Variants in MACF1 observed in about 807,000 individuals in gnomAD.
The protein encoded by MACF1 is microtubule-actin cross-linking factor 1.
A neutral mutation model predicts 854.8 loss-of-function variants in MACF1; 193 were observed. The observed-to-expected ratio is 0.23, with a 90% CI of 0.20 to 0.25. MACF1 has a LOEUF of 0.25. MACF1 is among the 10% of genes least tolerant of loss of function. The pLI is 1.00. For synonymous variants in MACF1, 3,185 were observed against 3,226.7 expected (o/e 0.99, Z 0.44); for missense variants, 7,722 against 8,929.1 (o/e 0.86, Z 5.45).
chr1:39,284,635 A>T (rs1007002108), intron 11 of MACF1, among the ~76,000 whole-genome samples: 2 of 152,204 alleles, frequency 1.3e-5, no homozygotes, highest in African/African-American at 4.8e-5. Flanking sequence ...TAAAGGGCTT[A>T]TTGAAAAATG....
Position 39,337,267 on chromosome 1 carries a change from CCAAA to C in MACF1, c.10154_10157del (p.Lys3385ArgfsTer7). 6.2e-7 allele frequency: 1 copy of C among 1,613,994 alleles called. No homozygotes were observed. Among genetic ancestry groups the C allele is most frequent in the Non-Finnish European group, 8.5e-7 (1 of 1,179,936 alleles). ...CTGTTACGGAACATTGAAATGAGGACCAAACAGATTCAACCTTTGGAGCTAAACC... is the reference window on the plus strand; with the variant it reads ...CTGTTACGGAACATTGAAATGAGGACCAGATTCAACCTTTGGAGCTAAACC... On this transcript the variant is annotated frameshift_variant, in exon 38 of 101. Transcript: ENST00000564288. LOFTEE classifies it high-confidence loss of function.
At chr1:39,480,644 TA>T (rs994527737) in intron 98 of MACF1, among the ~76,000 whole-genome samples, 1,623 of 146,112 alleles carry the variant, frequency 0.011, 32 homozygotes, top group African/African-American at 0.035. Flanking sequence ...AAATAAAAAT[TA>T]AAAAAAAAAA....
At chr1:39,131,151 CTTTTTTTT>C (rs34762038) in intron 2 of MACF1, among the ~76,000 whole-genome samples, 3 of 42,348 alleles carry the variant, frequency 7.1e-5, no homozygotes, top group African/African-American at 2.8e-4. Context: ...TGCGCCCGGC[CTTTTTTTT>C]TTTTTTTTTT....
At chr1:39,352,787 T>G (rs779341801) in intron 43 of MACF1, among the ~76,000 whole-genome samples, 2 of 152,204 alleles carry the variant, frequency 1.3e-5, no homozygotes, top group Non-Finnish European at 2.9e-5. Context: ...CTTTTTTTTT[T>G]TTTAAAGCAG....
intron 100 of MACF1, 155 bp downstream of exon 100, chr1:39,484,885 C>T: frequency 1.2e-6 from 1 of 806,966 alleles, no homozygotes. Flanking sequence ...GTGACCTTTA[C>T]TTTTTCTGTC....
At chr1:39,286,872 A>G (rs145402575) in intron 14 of MACF1, among the ~76,000 whole-genome samples, 14 of 152,364 alleles carry the variant, frequency 9.2e-5, no homozygotes, top group Admixed American at 5.2e-4. Context: ...AACAATTCTG[A>G]ACTAGATGAA....
intron 2 of MACF1, among the ~76,000 whole-genome samples, chr1:39,179,179 A>G (rs931601367): frequency 1.6e-4 from 25 of 152,282 alleles, no homozygotes; most frequent in East Asian, 1.9e-4. Context: ...GAACTCCCCC[A>G]CACACTTATT....
Position 39,442,407 on chromosome 1 carries a change from A to G in MACF1, c.18949-5A>G, listed in dbSNP as rs774160886. On this transcript the variant is annotated splice_region_variant and splice_polypyrimidine_tract_variant and intron_variant, in intron 76 of 100. Transcript: ENST00000564288. ...AATATTCCCTTTCTGTCTTTTCCTG[A>G]GTAGCACAAACTAGAAGGGGCTCTG... 2.2e-5 allele frequency: 36 copies of G among 1,612,334 alleles called. No homozygotes were observed. Among genetic ancestry groups the G allele is most frequent in the Non-Finnish European group, 3.0e-5 (35 of 1,179,544 alleles).
At chr1:39,292,701 A>C in intron 16 of MACF1, 65 bp from the exon 17 acceptor site, 1 of 1,155,530 alleles carries the variant, frequency 8.7e-7, no homozygotes, top group South Asian at 1.4e-5. Context: ...GCATAGTTGC[A>C]ACCATAACAC....
At chr1:39,210,648 A>G (rs1021051499) in intron 1 of MACF1, among the ~76,000 whole-genome samples, 9 of 152,132 alleles carry the variant, frequency 5.9e-5, no homozygotes, top group Non-Finnish European at 1.0e-4. Context: ...CTGGTCTTCA[A>G]ATTTCTAGGC....
chr1:39,374,877 G>A lies in MACF1; in HGVS notation c.13213+2281G>A, dbSNP rs1023222448. 3.9e-5 allele frequency among the ~76,000 whole-genome samples: 6 copies of A among 152,234 alleles called. No homozygotes were observed. In the East Asian group the frequency reaches 7.7e-4, roughly 20 times the overall value. ...TGTAATCCCAGCACTTTGGGAGGCC[G>A]AGACGGGTGGATCATGAGGTCAGGT... On this transcript the variant is annotated intron_variant, in intron 52 of 100. Coordinates refer to ENST00000564288, the MANE Select transcript of MACF1 (RefSeq NM_001394062.1).
At chr1:39,229,350 T>C (rs895778080) in intron 1 of MACF1, among the ~76,000 whole-genome samples, 6 of 152,146 alleles carry the variant, frequency 3.9e-5, no homozygotes, top group African/African-American at 9.7e-5. Context: ...TGAATGGCTA[T>C]AAACTCAAAA....
rs1168255386 is a variant in MACF1 at position 39,194,706 on chromosome 1, C to A, written c.221-36476C>A. Among the ~76,000 whole-genome samples, 23 of 131,760 alleles carry A rather than the reference C, an allele frequency of 1.7e-4. No homozygotes were observed. In the East Asian group the frequency reaches 4.8e-3, roughly 27 times the overall value. 86.4% of individuals were successfully genotyped at this position (131,760 alleles called of 152,430 possible). Reference sequence around the variant, plus strand: ...CCCCTCCCCTCCCCTCCCCTCCCTTCCCTTCTCTATTGTCTTGCTCTGCTG... The same window carrying A: ...CCCCTCCCCTCCCCTCCCCTCCCTTACCTTCTCTATTGTCTTGCTCTGCTG... On this transcript the variant is annotated intron_variant, in intron 2 of 93. Coordinates refer to the MACF1 transcript ENST00000361689.
chr1:39,432,808 T>A (rs1369146906), intron 67 of MACF1, among the ~76,000 whole-genome samples, 154 bp downstream of exon 67: 1 of 148,142 alleles, frequency 6.8e-6, no homozygotes. Flanking sequence ...TGAGGAAGAA[T>A]TTTTTTTTTT....
chr1:39,101,989 A>C (rs1446581498), intron 2 of MACF1, among the ~76,000 whole-genome samples: 4 of 151,230 alleles, frequency 2.6e-5, no homozygotes, highest in Non-Finnish European at 5.9e-5. Context: ...ATCCTGGCTA[A>C]CACAGTGAAA....
intron 2 of MACF1, among the ~76,000 whole-genome samples, chr1:39,190,863 T>G (rs1644247632): frequency 6.6e-6 from 1 of 151,952 alleles, no homozygotes; most frequent in African/African-American, 2.4e-5. Flanking sequence ...GGCGTGGTGG[T>G]GTGCCTGTAA....
intron 2 of MACF1, among the ~76,000 whole-genome samples, chr1:39,111,768 C>A (rs866957827): frequency 3.3e-5 from 5 of 152,148 alleles, no homozygotes; most frequent in African/African-American, 1.2e-4. Context: ...CTTGCCCTGG[C>A]CTCCCAAAAC....
chr1:39,348,031 T>C (rs1647095590), intron 41 of MACF1, among the ~76,000 whole-genome samples: 1 of 152,218 alleles, frequency 6.6e-6, no homozygotes, highest in African/African-American at 2.4e-5. Flanking sequence ...GATATTAGAA[T>C]TGTCATTATC....
At chr1:39,310,093 C>A in intron 24 of MACF1, 152 bp from the exon 25 acceptor site, 1 of 716,698 alleles carries the variant, frequency 1.4e-6, no homozygotes, top group Non-Finnish European at 2.2e-6. Flanking sequence ...TGAATGCTGA[C>A]TAAATGGAGG....
Sources: allele counts gnomAD v4.1 joint callset (sites outside exome capture counted in the v4.1 genomes callset), GRCh38; gene constraint gnomAD v4.1.1; transcripts MANE v1.5; gene names NCBI Gene and HGNC (gene_info 2026-07-23, HGNC 2026-07-21).